The following DNAH6 variants were observed in gnomAD, a reference collection of about 807,000 sequenced individuals.
DNAH6 encodes the protein axonemal beta dynein heavy chain 6.
Under a neutral mutation model 491.4 loss-of-function variants are expected in DNAH6, and 340 were observed. That is an observed-to-expected ratio of 0.69 (90% CI 0.63 to 0.76). The LOEUF (loss-of-function observed/expected upper bound fraction) is 0.76, where lower values mean the gene tolerates loss of function less well. Ranked by LOEUF, DNAH6 falls within the 30% of genes least tolerant of loss-of-function variation. The pLI, the probability that DNAH6 is intolerant of heterozygous loss-of-function variation, is 0.00. For missense variants in DNAH6, 4,443 were observed against 4,972.2 expected (o/e 0.89, Z 3.20); for synonymous variants, 1,603 against 1,686.1 (o/e 0.95, Z 1.21).
intron 63 of DNAH6, among the ~76,000 whole-genome samples, chr2:84,745,665 C>CA (rs34589141): frequency 0.17 from 10,596 of 61,410 alleles, 752 homozygotes; most frequent in African/African-American, 0.3. Context: ...GACACTGTCT[C>CA]AAAAAAAAAA....
In DNAH6 at chr2:84,785,482, G is replaced by T. The variant is rs1259911246; in HGVS notation, c.10954-128G>T. On this transcript the variant is annotated intron_variant, in intron 66 of 76. Transcript: ENST00000389394. ...AGCAGGCTCGAACATGCCAGGAATG[G>T]TCCCCACCTCCCCATGAACATCAGC... 8.5e-6 allele frequency: 8 copies of T among 945,302 alleles called. No homozygotes were observed. In the Admixed American group the frequency reaches 1.4e-4, roughly 16 times the overall value. The allele number at this position is 945,302 out of a possible 1,614,324, so 58.6% of individuals were successfully genotyped here.
At chr2:84,508,219 C>A in the DNAH6 span, among the ~76,000 whole-genome samples, 1 of 152,170 alleles carries the variant, frequency 6.6e-6, no homozygotes, top group Non-Finnish European at 1.5e-5. Flanking sequence ...GGTTGGTAAG[C>A]TATTAATTAT....
At chr2:84,584,356 T>C in intron 15 of DNAH6, 106 bp downstream of exon 15, 1 of 1,164,438 alleles carries the variant, frequency 8.6e-7, no homozygotes, top group East Asian at 2.6e-5. Context: ...ATTTACAATA[T>C]ATAATGTGAT....
In DNAH6 at chr2:84,520,179, A is replaced by G. The variant is rs922916668; in HGVS notation, c.225+2128A>G. ...GATGAAAAAGTTACATATATGTATA[A>G]TTGTATTTAATTGTATATTAATTTC... is the stretch of plus-strand genomic sequence containing the variant. On this transcript the variant is annotated intron_variant, in intron 2 of 76. Coordinates refer to ENST00000389394, the MANE Select transcript of DNAH6 (RefSeq NM_001370.2). 9.2e-5 allele frequency among the ~76,000 whole-genome samples: 14 copies of G among 151,914 alleles called. No homozygotes were observed. In the South Asian group the frequency reaches 1.9e-3, roughly 20 times the overall value.
chr2:84,651,494 T>C (rs551892219), intron 33 of DNAH6, among the ~76,000 whole-genome samples: 1 of 152,270 alleles, frequency 6.6e-6, no homozygotes, highest in Admixed American at 6.5e-5. Context: ...TTGGTTAGAG[T>C]AGAGCAGTTA....
At chr2:84,500,864 A>G in the DNAH6 span, among the ~76,000 whole-genome samples, 4 of 152,266 alleles carry the variant, frequency 2.6e-5, no homozygotes, top group South Asian at 6.2e-4. Context: ...TGATTTTTGT[A>G]TGTTGATTTT....
chr2:84,591,333 CA>C (rs1351043871), intron 16 of DNAH6, among the ~76,000 whole-genome samples: 2 of 151,996 alleles, frequency 1.3e-5, no homozygotes, highest in Admixed American at 6.6e-5. Context: ...ATAAAGAAAA[CA>C]ATTTACAATA....
At chr2:84,713,306 G>A (rs1201235078) in intron 57 of DNAH6, 47 bp downstream of exon 57, 2 of 1,525,520 alleles carry the variant, frequency 1.3e-6, no homozygotes, top group Non-Finnish European at 8.8e-7. Flanking sequence ...GATTATCATG[G>A]TGTAATGAAT....
At chr2:84,471,988 C>A in the DNAH6 span, among the ~76,000 whole-genome samples, 1 of 152,138 alleles carries the variant, frequency 6.6e-6, no homozygotes, top group African/African-American at 2.4e-5. Flanking sequence ...GAGACACAAG[C>A]AAATCCTCTT....
At position 84,605,558 on chromosome 2, in the gene DNAH6, A is replaced by G; in HGVS notation, c.3140A>G (p.Asp1047Gly). Residue 1047 changes from aspartate (D) to glycine (G), a missense_variant, in exon 20 of 77, where the codon GAT becomes GGT. Coordinates refer to ENST00000389394, the MANE Select transcript of DNAH6 (RefSeq NM_001370.2). ...ATTCTGCCTCACCGTGACTCCAAAG[A>G]TGTGTTTATACTGGGCGGCACAGAT... ...FVILPHRDSK[D>G]VFILGGTDDI... The G allele has an allele frequency of 1.3e-6, 2 of 1,551,588 alleles. No individual in the cohort carries two copies. The highest frequency in any genetic ancestry group is 1.7e-6 in the Non-Finnish European group (2 of 1,146,916).
intron 68 of DNAH6, among the ~76,000 whole-genome samples, chr2:84,787,557 C>T (rs1401076196): frequency 6.6e-6 from 1 of 152,076 alleles, no homozygotes; most frequent in Non-Finnish European, 1.5e-5. Flanking sequence ...TTGCTACATG[C>T]CAAGCACTAT....
intron 70 of DNAH6, 22 bp from the exon 71 acceptor site, chr2:84,805,643 C>A (rs546162842): frequency 2.6e-6 from 4 of 1,534,582 alleles, no homozygotes; most frequent in South Asian, 1.3e-5. Flanking sequence ...CTTCACTGTT[C>A]TGTCTCTTAT....
chr2:84,623,845 T>C (rs932681852), intron 26 of DNAH6, among the ~76,000 whole-genome samples: 1 of 152,220 alleles, frequency 6.6e-6, no homozygotes, highest in African/African-American at 2.4e-5. Flanking sequence ...TTCTGAATAT[T>C]AATGGGAAAA....
chr2:84,484,992 A>G, the DNAH6 span, among the ~76,000 whole-genome samples: 1 of 152,190 alleles, frequency 6.6e-6, no homozygotes, highest in Non-Finnish European at 1.5e-5. Flanking sequence ...CGGGAAATTC[A>G]AGAGAGGGCA....
At chr2:84,659,252 C>G in intron 37 of DNAH6, 83 bp downstream of exon 37, 3 of 806,882 alleles carry the variant, frequency 3.7e-6, no homozygotes, top group Non-Finnish European at 5.2e-6. Flanking sequence ...AGCTTTAGTT[C>G]TATTGAAAAT....
At chr2:84,586,883 A>G (rs13404797) in intron 15 of DNAH6, among the ~76,000 whole-genome samples, 11,001 of 152,220 alleles carry the variant, frequency 0.072, 1,313 homozygotes, top group African/African-American at 0.25. Context: ...ATATCTATGT[A>G]TACATAGATC....
At position 84,778,015 on chromosome 2, in the gene DNAH6, G is replaced by C. The variant is rs1471197386; in HGVS notation, c.10704-3478G>C. ...CAGTTACATTATAGTCTTTGCCAGA[G>C]ACAATCTTTGGTGTTCTAAGGAAAA... On this transcript the variant is annotated intron_variant, in intron 64 of 76. Coordinates refer to ENST00000389394, the MANE Select transcript of DNAH6 (RefSeq NM_001370.2). 1.1e-5 allele frequency: 11 copies of C among 1,010,210 alleles called. No individual in the cohort carries two copies. In the East Asian group the frequency reaches 2.6e-4, roughly 24 times the overall value. The allele number at this position is 1,010,210 out of a possible 1,614,324, so 62.6% of individuals were successfully genotyped here.
chr2:84,746,696 T>C (rs1399187458), intron 63 of DNAH6, among the ~76,000 whole-genome samples: 1 of 152,144 alleles, frequency 6.6e-6, no homozygotes, highest in South Asian at 2.1e-4. Context: ...TATCTGTGTA[T>C]GTTAGTCTGC....
intron 64 of DNAH6, among the ~76,000 whole-genome samples, chr2:84,779,522 A>G (rs903825361): frequency 2.6e-5 from 4 of 152,040 alleles, no homozygotes; most frequent in South Asian, 2.1e-4. Flanking sequence ...CTTTGAGCCT[A>G]TTGGTTTTGT....
Sources: gnomAD v4.1 joint callset for allele counts (sites outside exome capture counted in the v4.1 genomes callset) on GRCh38, gnomAD v4.1.1 for gene constraint, MANE v1.5 for transcripts, NCBI Gene and HGNC (gene_info 2026-07-23, HGNC 2026-07-21) for gene names.